MYOCOS: variants seen among roughly 807,000 people sequenced by gnomAD.
MYOCOS encodes the protein myocilin opposite strand, also known as myocilin opposite strand protein.
intron 1 of MYOCOS, among the ~76,000 whole-genome samples, chr1:171,602,246 A>G (rs1389627515): frequency 6.6e-6 from 1 of 152,174 alleles, no homozygotes; most frequent in Admixed American, 6.5e-5. Context: ...AAAAAATGTT[A>G]TAAAAAATTA....
chr1:171,610,684 C>A (rs1398781419), intron 1 of MYOCOS, among the ~76,000 whole-genome samples: 2 of 152,214 alleles, frequency 1.3e-5, no homozygotes, highest in East Asian at 3.8e-4. Context: ...CTCTTAAAGT[C>A]CCTACCTCTC....
rs1303218642 is a variant in MYOCOS at position 171,606,197 on chromosome 1, T to TA, written c.-252+5123dup. On this transcript the variant is annotated intron_variant, in intron 1 of 3. Transcript: ENST00000636697. ...TGGCTACCTGTACTTCTTTAAATGA[T>TA]AAAAAAGCTTCATCGCTACCTTAGT... Among the ~76,000 whole-genome samples the TA allele has an allele frequency of 5.3e-5, 8 of 152,270 alleles. No homozygotes were observed. The East Asian group carries it at 1.2e-3, about 22-fold the overall frequency.
chr1:171,601,205 G>A (rs1042512370), intron 1 of MYOCOS: 1 of 152,298 alleles, frequency 6.6e-6, no homozygotes, highest in Non-Finnish European at 1.5e-5. Flanking sequence ...CTGAAATTTA[G>A]TAAGACTAGT....
chr1:171,621,627 G>A (rs1466682764), upstream of MYOCOS, among the ~76,000 whole-genome samples: 1 of 151,950 alleles, frequency 6.6e-6, no homozygotes, highest in African/African-American at 2.4e-5. Flanking sequence ...CGCCCGCCTC[G>A]GCCTCCTAAA....
At chr1:171,620,029 T>C (rs141858796), upstream of MYOCOS, among the ~76,000 whole-genome samples, 267 of 149,260 alleles carry the variant, frequency 1.8e-3, 7 homozygotes, top group East Asian at 0.05. Flanking sequence ...TGTGGGACCT[T>C]GTGATCATGT....
At chr1:171,615,907 G>A (rs1328020452) in intron 2 of MYOCOS, among the ~76,000 whole-genome samples, 3 of 147,760 alleles carry the variant, frequency 2.0e-5, no homozygotes, top group Non-Finnish European at 3.0e-5. Flanking sequence ...TGCTACAAAA[G>A]GATGGGGTTG....
chr1:171,612,042 G>A (rs976610593), intron 1 of MYOCOS, among the ~76,000 whole-genome samples: 1 of 152,114 alleles, frequency 6.6e-6, no homozygotes, highest in Non-Finnish European at 1.5e-5. Context: ...TATGAGAACT[G>A]CTGGCCCTGT....
At chr1:171,608,686 G>C (rs528316123) in intron 1 of MYOCOS, among the ~76,000 whole-genome samples, 1 of 152,056 alleles carries the variant, frequency 6.6e-6, no homozygotes, top group Non-Finnish European at 1.5e-5. Context: ...CTCCCAAAGG[G>C]CTGGGATTAC....
Position 171,605,107 on chromosome 1 carries a change from C to T in MYOCOS, c.-252+4027C>T, listed in dbSNP as rs539048112. 1.1e-4 allele frequency among the ~76,000 whole-genome samples: 17 copies of T among 151,472 alleles called. 1 individual carries two copies. The highest frequency in any genetic ancestry group is 6.6e-4 in the Admixed American group (10 of 15,226). On this transcript the variant is annotated intron_variant, in intron 1 of 3. Transcript: ENST00000636697. The stretch of plus-strand genomic sequence containing the variant: ...TAAATTTTTTTTTTTTGCAATTAGC[C>T]GAGCATGTAGCCCAGTCTCTAAATG...
At chr1:171,610,146 T>G (rs1231256221) in intron 1 of MYOCOS, among the ~76,000 whole-genome samples, 2 of 152,220 alleles carry the variant, frequency 1.3e-5, no homozygotes, top group African/African-American at 4.8e-5. Context: ...TTCTACCATA[T>G]TCTGTTTATT....
At chr1:171,618,591 T>TTTG (rs1652492611), upstream of MYOCOS, among the ~76,000 whole-genome samples, 5 of 138,226 alleles carry the variant, frequency 3.6e-5, no homozygotes, top group South Asian at 1.2e-3. Flanking sequence ...TTGTTTGTTT[T>TTTG]TTGAGATGGT....
At chr1:171,619,190 GCTCATTACAT>G (rs1280021002), upstream of MYOCOS, among the ~76,000 whole-genome samples, 1 of 152,132 alleles carries the variant, frequency 6.6e-6, no homozygotes, top group Non-Finnish European at 1.5e-5. Context: ...TTGAATCATA[GCTCATTACAT>G]CTTATCCTCC....
upstream of MYOCOS, among the ~76,000 whole-genome samples, chr1:171,619,718 T>C (rs1180990367): frequency 2.6e-5 from 4 of 151,116 alleles, no homozygotes; most frequent in African/African-American, 4.9e-5. Flanking sequence ...GCACCTGTGG[T>C]CCCAGCTACT....
intron 1 of MYOCOS, among the ~76,000 whole-genome samples, chr1:171,603,585 A>G (rs1652184444): frequency 6.6e-6 from 1 of 152,252 alleles, no homozygotes; most frequent in South Asian, 2.1e-4. Flanking sequence ...AATTAGATAA[A>G]CTACATCTAT....
chr1:171,625,125 G>C (rs1652667244), intron 2 of MYOCOS, among the ~76,000 whole-genome samples: 1 of 152,178 alleles, frequency 6.6e-6, no homozygotes, highest in Non-Finnish European at 1.5e-5. Context: ...ATATGGGAAT[G>C]TCAAATCTTT....
At chr1:171,625,215 C>T (rs1003115659) in intron 2 of MYOCOS, among the ~76,000 whole-genome samples, 21 of 152,162 alleles carry the variant, frequency 1.4e-4, no homozygotes, top group African/African-American at 5.1e-4. Flanking sequence ...AGTGTGGTCC[C>T]TGTGCTCTAA....
chr1:171,603,013 C>T (rs2102931110), intron 1 of MYOCOS, among the ~76,000 whole-genome samples: 1 of 152,280 alleles, frequency 6.6e-6, no homozygotes, highest in East Asian at 1.9e-4. Context: ...TAAGGTGGTC[C>T]TCCAGTCCAC....
intron 1 of MYOCOS, among the ~76,000 whole-genome samples, chr1:171,603,662 G>C (rs548513708): frequency 6.6e-6 from 1 of 152,206 alleles, no homozygotes; most frequent in Non-Finnish European, 1.5e-5. Context: ...CCGCCATGAG[G>C]CTACCTGACC....
upstream of MYOCOS, among the ~76,000 whole-genome samples, chr1:171,617,264 T>C (rs896006677): frequency 6.6e-6 from 1 of 152,138 alleles, no homozygotes; most frequent in Non-Finnish European, 1.5e-5. Flanking sequence ...GACCTCAGCA[T>C]GGACTGGAAC....
Sources: allele counts gnomAD v4.1 joint callset (sites outside exome capture counted in the v4.1 genomes callset), GRCh38; gene constraint gnomAD v4.1.1; transcripts MANE v1.5; gene names NCBI Gene and HGNC (gene_info 2026-07-23, HGNC 2026-07-21).